FRS2: variants seen among roughly 807,000 people sequenced by gnomAD.
FRS2 encodes FGFR signalling adaptor.
FRS2 carries 8 observed loss-of-function variants against 43.9 expected under a neutral mutation model. That is an observed-to-expected ratio of 0.18 (90% confidence interval 0.11 to 0.33). FRS2 has a LOEUF of 0.33. Among genes scored for constraint, FRS2 ranks in the 10% least tolerant of loss-of-function variants. The probability of loss-of-function intolerance (pLI) is 1.00; values close to 1 mark genes in which losing one functional copy is unlikely to be tolerated. For missense variants in FRS2, 534 were observed against 627.6 expected, an observed-to-expected ratio of 0.85 and a Z score of 1.59; for synonymous variants, 219 against 220.3, an observed-to-expected ratio of 0.99 and a Z score of 0.05.
chr12:69,500,151 G>C (rs768371598), intron 1 of FRS2, among the ~76,000 whole-genome samples: 1 of 152,022 alleles, frequency 6.6e-6, no homozygotes, highest in Non-Finnish European at 1.5e-5. Context: ...ACGAAATAAT[G>C]GTATTAACTT....
At chr12:69,538,101 A>G (rs867715559) in intron 3 of FRS2, 55 of 152,228 alleles carry the variant, frequency 3.6e-4, no homozygotes, top group African/African-American at 1.3e-3. Flanking sequence ...AAGCAGCATT[A>G]TGAAATTACC....
At chr12:69,523,330 T>C (rs371750039) in intron 1 of FRS2, among the ~76,000 whole-genome samples, 17 of 152,148 alleles carry the variant, frequency 1.1e-4, no homozygotes, top group African/African-American at 3.1e-4. Context: ...TTTACCGTTA[T>C]GTAATGCCCT....
chr12:69,495,370 A>C (rs534792869), intron 1 of FRS2, among the ~76,000 whole-genome samples: 1 of 152,336 alleles, frequency 6.6e-6, no homozygotes, highest in South Asian at 2.1e-4. Flanking sequence ...GAATATACTC[A>C]GCTTACTCAT....
intron 1 of FRS2, chr12:69,486,126 G>C (rs895700275): frequency 2.6e-5 from 4 of 151,514 alleles, no homozygotes; most frequent in African/African-American, 9.7e-5. Context: ...AGAATATAAG[G>C]CACTTTCAGT....
At chr12:69,535,107 A>T (rs1241219563) in intron 3 of FRS2, among the ~76,000 whole-genome samples, 1 of 152,128 alleles carries the variant, frequency 6.6e-6, no homozygotes, top group East Asian at 1.9e-4. Flanking sequence ...TCTTCTTTTT[A>T]AAAAACTGAG....
intron 1 of FRS2, chr12:69,480,270 A>G (rs1871238297): frequency 6.6e-6 from 1 of 152,210 alleles, no homozygotes; most frequent in East Asian, 1.9e-4. Context: ...CCCATTAGAC[A>G]GTAATTCCTT....
At chr12:69,511,614 G>C (rs1874461069) in intron 1 of FRS2, among the ~76,000 whole-genome samples, 2 of 152,120 alleles carry the variant, frequency 1.3e-5, no homozygotes, top group Admixed American at 6.6e-5. Context: ...GATTTACATG[G>C]AGATGAATAG....
intron 3 of FRS2, among the ~76,000 whole-genome samples, chr12:69,549,331 T>C (rs968684713): frequency 1.2e-4 from 19 of 152,326 alleles, no homozygotes; most frequent in African/African-American, 4.6e-4. Flanking sequence ...ACTTAAGAAA[T>C]ATGCTTTATA....
intron 1 of FRS2, among the ~76,000 whole-genome samples, 157 bp downstream of exon 1, chr12:69,470,687 C>T (rs1331792488): frequency 7.3e-6 from 1 of 137,752 alleles, no homozygotes; most frequent in Non-Finnish European, 1.6e-5. Context: ...TCCGGGCCAG[C>T]GGGACGGGAA....
chr12:69,559,707 A>G (rs917779861), intron 3 of FRS2, among the ~76,000 whole-genome samples: 9 of 151,970 alleles, frequency 5.9e-5, no homozygotes, highest in African/African-American at 2.2e-4. Flanking sequence ...TCAGAATAAT[A>G]TAAATAATTC....
Position 69,577,737 on chromosome 12 carries a change from GT to G in FRS2, c.*2783del, listed in dbSNP as rs1881285148. ...ATCTTCTTCTAAAAATGAAAATATGGTGCCTTCCCTCCCTCCAGGAAGACTG... is the reference window on the plus strand; with the variant it reads ...ATCTTCTTCTAAAAATGAAAATATGGGCCTTCCCTCCCTCCAGGAAGACTG... On this transcript the variant is annotated 3_prime_UTR_variant, in exon 9 of 9. Transcript: ENST00000549921. 1 of 152,470 alleles carries G rather than the reference GT, an allele frequency of 6.6e-6. No individual in the cohort carries two copies. Among genetic ancestry groups the G allele is most frequent in the African/African-American group, 2.4e-5 (1 of 41,390 alleles). 9.4% of individuals were successfully genotyped at this position (152,470 alleles called of 1,614,324 possible).
intron 3 of FRS2, among the ~76,000 whole-genome samples, chr12:69,539,822 G>C (rs1877703232): frequency 6.6e-6 from 1 of 152,106 alleles, no homozygotes. Flanking sequence ...GGGCAGGGTG[G>C]CGGGCGCCTG....
intron 1 of FRS2, among the ~76,000 whole-genome samples, chr12:69,494,354 C>T (rs1872704627): frequency 6.6e-6 from 1 of 152,136 alleles, no homozygotes. Context: ...TACTCTCTGC[C>T]TAGGGCTTCT....
intron 1 of FRS2, among the ~76,000 whole-genome samples, chr12:69,506,154 G>T (rs1275441357): frequency 6.6e-6 from 1 of 152,072 alleles, no homozygotes. Context: ...ATAAATTTCT[G>T]TTCATGGGGA....
At chr12:69,483,371 A>G (rs1871515677) in intron 1 of FRS2, among the ~76,000 whole-genome samples, 1 of 152,094 alleles carries the variant, frequency 6.6e-6, no homozygotes, top group Admixed American at 6.5e-5. Flanking sequence ...GTGACCCCCA[A>G]CCACTAGTTT....
chr12:69,476,173 C>T (rs139856186), intron 1 of FRS2, among the ~76,000 whole-genome samples: 176 of 152,282 alleles, frequency 1.2e-3, no homozygotes, highest in African/African-American at 3.9e-3. Context: ...ACATTCTGCC[C>T]TTGTGTTAGC....
At chr12:69,524,082 C>G (rs1309351107) in intron 1 of FRS2, among the ~76,000 whole-genome samples, 1 of 152,228 alleles carries the variant, frequency 6.6e-6, no homozygotes, top group Non-Finnish European at 1.5e-5. Flanking sequence ...TGGAGGAGGG[C>G]AGGGGGTCCC....
intron 1 of FRS2, among the ~76,000 whole-genome samples, chr12:69,502,402 A>AT (rs962058936): frequency 1.2e-4 from 18 of 149,090 alleles, no homozygotes; most frequent in South Asian, 4.3e-4. Flanking sequence ...TTAATTTTTA[A>AT]TTTTTTTTTT....
At chr12:69,528,463 T>C (rs538845687) in intron 1 of FRS2, among the ~76,000 whole-genome samples, 22 of 152,204 alleles carry the variant, frequency 1.4e-4, no homozygotes, top group Non-Finnish European at 2.6e-4. Flanking sequence ...CTGGTTTTTG[T>C]TTTTTGATGG....
Sources: allele counts gnomAD v4.1 joint callset (sites outside exome capture counted in the v4.1 genomes callset), GRCh38; gene constraint gnomAD v4.1.1; transcripts MANE v1.5; gene names NCBI Gene and HGNC (gene_info 2026-07-23, HGNC 2026-07-21).